Variants in ETV1 observed in about 807,000 individuals in gnomAD.
ETV1 encodes the protein ETS variant transcription factor 1, also known as ETS translocation variant 1.
ETV1 carries 27 observed loss-of-function variants against 62.3 expected under a neutral mutation model. The ratio of observed to expected loss-of-function variants is 0.43; its 90% CI spans 0.32 to 0.60. The LOEUF is 0.60. ETV1 is among the 20% of genes least tolerant of loss of function. The pLI is 0.06. For synonymous variants in ETV1, 222 were observed against 199.6 expected (o/e 1.11, Z -0.94); for missense variants, 605 against 605.8 (o/e 1.00, Z 0.01).
intron 5 of ETV1, chr7:13,986,416 C>T: frequency 6.7e-7 from 1 of 1,485,534 alleles, no homozygotes; most frequent in African/African-American, 1.4e-5. Context: ...TGATTGTGAG[C>T]TGGAAGCAAT....
At position 13,935,901 on chromosome 7, in the gene ETV1, C is replaced by A; in HGVS notation, c.366-5G>T. 1.3e-6 allele frequency: 2 copies of A among 1,597,726 alleles called. No individual in the cohort carries two copies. The highest frequency in any genetic ancestry group is 1.1e-5 in the South Asian group (1 of 89,336). On this transcript the variant is annotated splice_polypyrimidine_tract_variant and splice_region_variant and intron_variant, in intron 7 of 13. Coordinates refer to ENST00000430479, the MANE Select transcript of ETV1 (RefSeq NM_004956.5). ...TGTGGCTTCTGATCATAGGCACTAC[C>A]CAGGGGACAAAAGAAGAGAGAACAT...
At chr7:13,896,523 G>A (rs78219213) in intron 13 of ETV1, among the ~76,000 whole-genome samples, 3,841 of 152,040 alleles carry the variant, frequency 0.025, 166 homozygotes, top group African/African-American at 0.088. Context: ...TATCTGAAAT[G>A]GTAGAAAAAC....
intron 9 of ETV1, among the ~76,000 whole-genome samples, chr7:13,926,539 T>A (rs1437629521): frequency 6.6e-6 from 1 of 152,194 alleles, no homozygotes; most frequent in Non-Finnish European, 1.5e-5. Flanking sequence ...GGAATCTCCA[T>A]GACGCACTCC....
chr7:13,980,942 A>G (rs1425362944), intron 5 of ETV1, among the ~76,000 whole-genome samples: 1 of 146,744 alleles, frequency 6.8e-6, no homozygotes, highest in Non-Finnish European at 1.5e-5. Context: ...GTAATTTTAA[A>G]TATAGCTTGC....
chr7:13,986,806 A>G, intron 4 of ETV1, 121 bp from the exon 5 acceptor site: 1 of 729,716 alleles, frequency 1.4e-6, no homozygotes, highest in Non-Finnish European at 2.1e-6. Flanking sequence ...CGCAGTCAAC[A>G]TAAAAATAAA....
chr7:13,891,848 T>TGG lies in ETV1; in HGVS notation c.*4017_*4018insCC. 4.3e-6 allele frequency: 1 copy of TGG among 231,616 alleles called. No individual in the cohort carries two copies. The highest frequency in any genetic ancestry group is 1.8e-4 in the South Asian group (1 of 5,514). The allele number at this position is 231,616 out of a possible 1,614,324, so 14.3% of individuals were successfully genotyped here. A position where few individuals can be genotyped will look rare whatever the true frequency, so the allele number is the denominator to read the frequency against. On this transcript the variant is annotated 3_prime_UTR_variant, in exon 14 of 14. Coordinates refer to ENST00000430479, the MANE Select transcript of ETV1 (RefSeq NM_004956.5). ...TCCATACCAAATCGCAAATGGAAAA[T>TGG]AGCTTACTCACTTCTTATTTTTAAA... is the stretch of plus-strand genomic sequence containing the variant.
At chr7:13,928,698 C>A (rs1272519261) in intron 9 of ETV1, among the ~76,000 whole-genome samples, 1 of 150,972 alleles carries the variant, frequency 6.6e-6, no homozygotes, top group Non-Finnish European at 1.5e-5. Flanking sequence ...TGGCTCACAC[C>A]AGTAATCCCA....
intron 11 of ETV1, among the ~76,000 whole-genome samples, chr7:13,907,234 C>A (rs189348983): frequency 1.3e-5 from 2 of 152,020 alleles, no homozygotes; most frequent in Non-Finnish European, 2.9e-5. Context: ...CTTCCTTCAC[C>A]GCATCATATA....
intron 6 of ETV1, among the ~76,000 whole-genome samples, chr7:13,941,247 A>G (rs902637807): frequency 6.6e-6 from 1 of 152,214 alleles, no homozygotes; most frequent in African/African-American, 2.4e-5. Flanking sequence ...TCTGCAATAA[A>G]TGACATTTTA....
intron 6 of ETV1, among the ~76,000 whole-genome samples, chr7:13,973,516 G>A (rs925897300): frequency 6.6e-6 from 1 of 152,184 alleles, no homozygotes; most frequent in Admixed American, 6.5e-5. Flanking sequence ...TAATACAAAT[G>A]CCCTATTCTT....
At chr7:13,918,317 G>A (rs1056193788) in intron 9 of ETV1, among the ~76,000 whole-genome samples, 41 of 152,254 alleles carry the variant, frequency 2.7e-4, no homozygotes, top group African/African-American at 9.4e-4. Flanking sequence ...CTTCCACAAT[G>A]GTTGAACTAG....
intron 6 of ETV1, among the ~76,000 whole-genome samples, chr7:13,941,450 T>A (rs548271499): frequency 2.6e-5 from 4 of 152,178 alleles, no homozygotes; most frequent in Admixed American, 6.5e-5. Flanking sequence ...AAAATGTTGA[T>A]AAATGGTAAA....
At chr7:13,919,894 G>C (rs1299095388) in intron 9 of ETV1, among the ~76,000 whole-genome samples, 9 of 151,362 alleles carry the variant, frequency 5.9e-5, no homozygotes, top group African/African-American at 9.7e-5. Flanking sequence ...CACACACAGA[G>C]AGAGAGAGAG....
At chr7:13,990,294 A>G (rs1170764460), upstream of ETV1, 1 of 152,404 alleles carries the variant, frequency 6.6e-6, no homozygotes, top group Non-Finnish European at 1.5e-5. Flanking sequence ...GGACAGAAAC[A>G]TAAAGAATCT....
In ETV1 at chr7:13,938,776, T is replaced by G. The variant is rs558625174; in HGVS notation, c.365+341A>C. Among the ~76,000 whole-genome samples the G allele has an allele frequency of 9.5e-3, 1,442 of 152,354 alleles. 16 individuals are homozygous for G. The highest frequency in any genetic ancestry group is 0.025 in the South Asian group (123 of 4,828). Reference sequence around the variant, plus strand: ...TCAGACCTGCCAAATGTTTCATTTTTTTCTGCAAACTCTCTATCTAAAGTG... The same window carrying G: ...TCAGACCTGCCAAATGTTTCATTTTGTTCTGCAAACTCTCTATCTAAAGTG... On this transcript the variant is annotated intron_variant, in intron 7 of 13. Coordinates refer to ENST00000430479, the MANE Select transcript of ETV1 (RefSeq NM_004956.5).
At chr7:13,988,507 T>C in intron 3 of ETV1, 2 of 744,790 alleles carry the variant, frequency 2.7e-6, no homozygotes, top group Non-Finnish European at 4.2e-6. Flanking sequence ...CAATGCTAGA[T>C]TAAAACAGTG....
chr7:13,965,904 T>C (rs1354125211), intron 6 of ETV1, among the ~76,000 whole-genome samples: 3 of 152,132 alleles, frequency 2.0e-5, no homozygotes, highest in Non-Finnish European at 4.4e-5. Flanking sequence ...AAAATAAGAT[T>C]CTAAATACCC....
chr7:13,930,987 A>C (rs1343807271), intron 9 of ETV1, among the ~76,000 whole-genome samples: 1 of 151,458 alleles, frequency 6.6e-6, no homozygotes, highest in African/African-American at 2.4e-5. Context: ...CTTTTAGTAG[A>C]GATGGGGTTT....
At chr7:13,948,016 G>T (rs2128468870) in intron 6 of ETV1, among the ~76,000 whole-genome samples, 1 of 152,208 alleles carries the variant, frequency 6.6e-6, no homozygotes, top group East Asian at 1.9e-4. Flanking sequence ...TATATTCTTG[G>T]CACGTGTATC....
Sources: gnomAD v4.1 joint callset for allele counts (sites outside exome capture counted in the v4.1 genomes callset) on GRCh38, gnomAD v4.1.1 for gene constraint, MANE v1.5 for transcripts, NCBI Gene and HGNC (gene_info 2026-07-23, HGNC 2026-07-21) for gene names.